Variants in RFXAP observed in about 807,000 individuals in gnomAD.
RFXAP encodes regulatory factor X-associated protein.
In RFXAP, 21 loss-of-function variants were observed where a neutral mutation model predicts 25.7. The ratio of observed to expected loss-of-function variants is 0.82; its 90% CI spans 0.58 to 1.18. The LOEUF is 1.18. Among genes scored for constraint, RFXAP ranks in the 50% most tolerant of loss-of-function variants. The probability of loss-of-function intolerance (pLI) is 0.00; values close to 1 mark genes in which losing one functional copy is unlikely to be tolerated. For missense variants in RFXAP, 333 were observed against 363.0 expected (o/e 0.92, Z 0.67); for synonymous variants, 161 against 152.2 (o/e 1.06, Z -0.43).
chr13:36,827,912 T>G lies in RFXAP; in HGVS notation c.*159T>G, dbSNP rs2057983526. The G allele has an allele frequency of 2.3e-5, 14 of 606,382 alleles. No individual in the cohort carries two copies. The South Asian group carries it at 3.0e-4, about 13-fold the overall frequency. 37.6% of individuals were successfully genotyped at this position (606,382 alleles called of 1,614,324 possible). On this transcript the variant is annotated 3_prime_UTR_variant, in exon 3 of 3. Transcript: ENST00000255476. ...ATTTGGGGATAAGTAAGTATTGCACTTTGTGCATCTAATCTTTCAGATTAC... is the reference window on the plus strand; with the variant it reads ...ATTTGGGGATAAGTAAGTATTGCACGTTGTGCATCTAATCTTTCAGATTAC...
chr13:36,827,514 G>A, intron 2 of RFXAP, 129 bp from the exon 3 acceptor site: 1 of 664,100 alleles, frequency 1.5e-6, no homozygotes, highest in Non-Finnish European at 2.6e-6. Flanking sequence ...ATGTAAAAGT[G>A]CTTTTGATTC....
chr13:36,823,264 TAAAAG>T (rs1255436729), intron 1 of RFXAP, among the ~76,000 whole-genome samples: 1 of 152,164 alleles, frequency 6.6e-6, no homozygotes, highest in Admixed American at 6.5e-5. Flanking sequence ...TTCTGGTAGA[TAAAAG>T]GAAAGAGAAG....
chr13:36,822,484 A>G (rs1425614487), intron 1 of RFXAP, among the ~76,000 whole-genome samples: 1 of 152,106 alleles, frequency 6.6e-6, no homozygotes, highest in African/African-American at 2.4e-5. Context: ...AATGTATAAA[A>G]GGCAGATAGA....
chr13:36,822,324 T>C (rs1378589293), intron 1 of RFXAP, among the ~76,000 whole-genome samples: 1 of 151,998 alleles, frequency 6.6e-6, no homozygotes, highest in Non-Finnish European at 1.5e-5. Flanking sequence ...CTCCTGATCC[T>C]CCCACCTCAG....
chr13:36,822,412 A>C (rs932719944), intron 1 of RFXAP, among the ~76,000 whole-genome samples: 1 of 151,526 alleles, frequency 6.6e-6, no homozygotes, highest in African/African-American at 2.4e-5. Flanking sequence ...AGAAGTAGTT[A>C]ACCTATGGCT....
At chr13:36,820,896 TCA>T in intron 1 of RFXAP, among the ~76,000 whole-genome samples, 1 of 152,216 alleles carries the variant, frequency 6.6e-6, no homozygotes, top group South Asian at 2.1e-4. Context: ...TATTGAGGGT[TCA>T]CACAGTGTCC....
In RFXAP at chr13:36,819,895, G is replaced by T. The variant is rs756942572; in HGVS notation, c.538G>T (p.Asp180Tyr). 1 of 1,613,480 alleles carries T rather than the reference G, an allele frequency of 6.2e-7. No homozygotes were observed. The highest frequency in any genetic ancestry group is 1.1e-5 in the South Asian group (1 of 90,850). The change falls in exon 1 of 3, where the codon GAC becomes TAC. Residue 180 changes from aspartate (D) to tyrosine (Y), a missense_variant. Physicochemically the swap from Asp to Tyr is radical, Grantham distance 160 (BLOSUM62 -3). Transcript: ENST00000255476. ...YKDKYKKKKS[D>Y]QALNCGGTAS... The stretch of plus-strand genomic sequence containing the variant: ...GGACAAGTATAAAAAGAAGAAGAGC[G>T]ACCAGGCCCTGAACTGCGGTGGGAC...
rs1333037624 is a variant in RFXAP at position 36,819,247 on chromosome 13, T to G, written c.-111T>G. On this transcript the variant is annotated 5_prime_UTR_variant, in exon 1 of 3. Coordinates refer to ENST00000255476, the MANE Select transcript of RFXAP (RefSeq NM_000538.4). ...AGGCGCAGTCGGGGCGCCTTCCCGG[T>G]ATAGGCGCCTTTTACCCCAGCGTGT... 1.8e-4 allele frequency: 181 copies of G among 1,009,670 alleles called. No individual in the cohort carries two copies. Among genetic ancestry groups the G allele is most frequent in the East Asian group, 3.2e-4 (8 of 25,076 alleles). 62.5% of individuals were successfully genotyped at this position (1,009,670 alleles called of 1,614,324 possible). A position where few individuals can be genotyped will look rare whatever the true frequency, so the allele number is the denominator to read the frequency against.
chr13:36,827,789 C>G lies in RFXAP; in HGVS notation c.*36C>G, dbSNP rs1422709904. ...CAAGAACATCTACATGGTTTTTTAT[C>G]TTATTGTAATAGATGAGCATATTTT... On this transcript the variant is annotated 3_prime_UTR_variant, in exon 3 of 3. Coordinates refer to ENST00000255476, the MANE Select transcript of RFXAP (RefSeq NM_000538.4). 2 of 1,485,592 alleles carry G rather than the reference C, an allele frequency of 1.3e-6. No individual in the cohort carries two copies. Among genetic ancestry groups the G allele is most frequent in the Admixed American group, 1.7e-5 (1 of 59,584 alleles). 92.0% of individuals were successfully genotyped at this position (1,485,592 alleles called of 1,614,324 possible).
Position 36,827,887 on chromosome 13 carries a change from A to C in RFXAP, c.*134A>C, listed in dbSNP as rs559402022. 2.4e-5 allele frequency: 17 copies of C among 715,488 alleles called. No homozygotes were observed. In the South Asian group the frequency reaches 2.6e-4, roughly 11 times the overall value. 44.3% of individuals were successfully genotyped at this position (715,488 alleles called of 1,614,324 possible). A position where few individuals can be genotyped will look rare whatever the true frequency, so the allele number is the denominator to read the frequency against. Reference sequence around the variant, plus strand: ...CATTTTCCTGTAAATGTATGTGTGCATTTGGGGATAAGTAAGTATTGCACT... The same window carrying C: ...CATTTTCCTGTAAATGTATGTGTGCCTTTGGGGATAAGTAAGTATTGCACT... On this transcript the variant is annotated 3_prime_UTR_variant, in exon 3 of 3. Transcript: ENST00000255476.
intron 1 of RFXAP, among the ~76,000 whole-genome samples, chr13:36,822,940 A>G (rs182379743): frequency 3.0e-4 from 46 of 152,224 alleles, no homozygotes; most frequent in Admixed American, 5.9e-4. Context: ...AGGATAGATC[A>G]TTGTAGGCTG....
In RFXAP at chr13:36,825,448, C is replaced by G; in HGVS notation, c.621C>G (p.Leu207=). The part of the protein sequence containing the change: ...VKLEESADNI[L]SIVKQRTGSF... ...CCCAGGAAAGTGCAGATAACATACT[C>G]TCCATTGTTAAACAAAGAACAGGAT... Residue 207 remains leucine, a synonymous_variant, in exon 2 of 3, where the codon CTC becomes CTG. Coordinates refer to ENST00000255476, the MANE Select transcript of RFXAP (RefSeq NM_000538.4). 1 of 1,612,122 alleles carries G rather than the reference C, an allele frequency of 6.2e-7. No individual in the cohort carries two copies. Among genetic ancestry groups the G allele is most frequent in the Non-Finnish European group, 8.5e-7 (1 of 1,178,790 alleles).
intron 2 of RFXAP, 61 bp from the exon 3 acceptor site, chr13:36,827,582 A>G (rs2057982172): frequency 8.3e-7 from 1 of 1,198,904 alleles, no homozygotes; most frequent in Non-Finnish European, 1.2e-6. Flanking sequence ...AGTAATTAGC[A>G]TGAAAACAGT....
intron 2 of RFXAP, among the ~76,000 whole-genome samples, chr13:36,827,367 G>A (rs188715477): frequency 1.3e-5 from 2 of 152,110 alleles, no homozygotes; most frequent in East Asian, 3.9e-4. Context: ...GAGTATATTT[G>A]CTGGCATATT....
At position 36,819,244 on chromosome 13, in the gene RFXAP, C is replaced by A. The variant is rs1001284335; in HGVS notation, c.-114C>A. 23 of 1,100,136 alleles carry A rather than the reference C, an allele frequency of 2.1e-5. No homozygotes were observed. In the Admixed American group the frequency reaches 4.0e-4, roughly 19 times the overall value. 68.1% of individuals were successfully genotyped at this position (1,100,136 alleles called of 1,614,324 possible). On this transcript the variant is annotated 5_prime_UTR_variant, in exon 1 of 3. Transcript: ENST00000255476. The stretch of plus-strand genomic sequence containing the variant: ...CGCAGGCGCAGTCGGGGCGCCTTCC[C>A]GGTATAGGCGCCTTTTACCCCAGCG...
rs1056708124 is a variant in RFXAP, at chr13:36,827,894, G to A, written c.*141G>A. 1 of 694,658 alleles carries A rather than the reference G, an allele frequency of 1.4e-6. No individual in the cohort carries two copies. The highest frequency in any genetic ancestry group is 2.5e-5 in the Admixed American group (1 of 40,160). 43.0% of individuals were successfully genotyped at this position (694,658 alleles called of 1,614,324 possible). ...CTGTAAATGTATGTGTGCATTTGGG[G>A]ATAAGTAAGTATTGCACTTTGTGCA... On this transcript the variant is annotated 3_prime_UTR_variant, in exon 3 of 3. Transcript: ENST00000255476.
At chr13:36,821,680 A>T (rs771022776) in intron 1 of RFXAP, among the ~76,000 whole-genome samples, 4 of 152,262 alleles carry the variant, frequency 2.6e-5, no homozygotes, top group South Asian at 2.1e-4. Context: ...AAAGTATAAT[A>T]TTCTAAATAT....
chr13:36,820,332 C>T (rs1467823928), intron 1 of RFXAP, among the ~76,000 whole-genome samples: 1 of 152,166 alleles, frequency 6.6e-6, no homozygotes, highest in Non-Finnish European at 1.5e-5. Flanking sequence ...TTTCTGTTTT[C>T]ACTACTCTAT....
At chr13:36,822,179 C>T (rs2057965055) in intron 1 of RFXAP, among the ~76,000 whole-genome samples, 1 of 151,822 alleles carries the variant, frequency 6.6e-6, no homozygotes, top group Admixed American at 6.6e-5. Context: ...CAACCTCCAC[C>T]TCCTGGGTTC....
Sources: gnomAD v4.1 joint callset for allele counts (sites outside exome capture counted in the v4.1 genomes callset) on GRCh38, gnomAD v4.1.1 for gene constraint, MANE v1.5 for transcripts, NCBI Gene and HGNC (gene_info 2026-07-23, HGNC 2026-07-21) for gene names.